Variants in PPP2R5C observed in about 807,000 individuals in gnomAD.
PPP2R5C encodes protein phosphatase 2 regulatory subunit B'gamma.
Under a neutral mutation model 68.9 loss-of-function variants are expected in PPP2R5C, and 7 were observed. The observed-to-expected ratio is 0.10, with a 90% CI of 0.06 to 0.19. The LOEUF (loss-of-function observed/expected upper bound fraction) is 0.19. PPP2R5C is among the 10% of genes least tolerant of loss of function. The pLI, the probability that PPP2R5C is intolerant of heterozygous loss-of-function variation, is 1.00. For missense variants in PPP2R5C, 348 were observed against 641.3 expected, an observed-to-expected ratio of 0.54 and a Z score of 4.94; for synonymous variants, 210 against 222.2, an observed-to-expected ratio of 0.95 and a Z score of 0.49.
intron 12 of PPP2R5C, among the ~76,000 whole-genome samples, chr14:101,912,862 G>A (rs2046470603): frequency 6.6e-6 from 1 of 152,170 alleles, no homozygotes; most frequent in Admixed American, 6.5e-5. Flanking sequence ...AATTAGATTG[G>A]AAATAGATTA....
rs947449056 is a variant in PPP2R5C at position 101,781,576 on chromosome 14, G to T, written c.94-4442G>T. On this transcript the variant is annotated intron_variant, in intron 2 of 14. Coordinates refer to the PPP2R5C transcript ENST00000328724. The surrounding 1 kb of genome is among the most constrained non-coding windows in gnomAD (Gnocchi z 6.4). ...CTCTGCCCCAACCACGTTTTCTCAA[G>T]AGTGTTGTCTGTCCCGGCCTTCCAA... 6.7e-6 allele frequency among the ~76,000 whole-genome samples: 1 copy of T among 149,512 alleles called. No homozygotes were observed. Among genetic ancestry groups the T allele is most frequent in the African/African-American group, 2.5e-5 (1 of 40,680 alleles).
At position 101,913,680 on chromosome 14, in the gene PPP2R5C, T is replaced by C. The variant is rs987601452; in HGVS notation, c.1326+1207T>C. Among the ~76,000 whole-genome samples, 8 of 152,226 alleles carry C rather than the reference T, an allele frequency of 5.3e-5. No homozygotes were observed. Among genetic ancestry groups the C allele is most frequent in the African/African-American group, 1.9e-4 (8 of 41,462 alleles). ...TGAAAGTGTGGTTAAAATACTGATA[T>C]TTGTTTTAAAACATGGTAACACTAT... On this transcript the variant is annotated intron_variant, in intron 12 of 13. Coordinates refer to ENST00000334743, the Ensembl canonical transcript of PPP2R5C. This position sits in a 1 kb window ranked among gnomAD's most constrained non-coding sequence, Gnocchi z 4.1.
intron 3 of PPP2R5C, among the ~76,000 whole-genome samples, chr14:101,790,502 G>A (rs1168662406): frequency 3.3e-5 from 5 of 152,162 alleles, no homozygotes; most frequent in African/African-American, 7.2e-5. Context: ...TCATATAAGC[G>A]AAGTCATACC....
In PPP2R5C at chr14:101,877,918, G is replaced by A. The variant is rs1595448453; in HGVS notation, c.295-4243G>A. ...CCTAGGTCGGTCATCAGTCAAGGAC[G>A]CTGTATCAGTCTGCTCAGGCTGCCG... is the stretch of plus-strand genomic sequence containing the variant. On this transcript the variant is annotated intron_variant, in intron 2 of 13. Coordinates refer to ENST00000334743, the Ensembl canonical transcript of PPP2R5C. The surrounding 1 kb of genome is among the most constrained non-coding windows in gnomAD (Gnocchi z 4.2). Among the ~76,000 whole-genome samples the A allele has an allele frequency of 6.6e-6, 1 of 152,208 alleles. No homozygotes were observed. The highest frequency in any genetic ancestry group is 1.9e-4 in the East Asian group (1 of 5,198).
upstream of PPP2R5C, among the ~76,000 whole-genome samples, chr14:101,761,076 G>A (rs1407888878): frequency 2.4e-5 from 3 of 123,298 alleles, no homozygotes; most frequent in East Asian, 9.0e-4. Context: ...GGAGAGGAGG[G>A]AAGGGGAGGG....
chr14:101,859,401 G>A (rs1326946298), intron 2 of PPP2R5C, among the ~76,000 whole-genome samples: 2 of 152,222 alleles, frequency 1.3e-5, no homozygotes, highest in East Asian at 1.9e-4. Flanking sequence ...AGACTGTCCT[G>A]TGAAGATGGG....
At chr14:101,867,743 ACTC>A (rs2043169931) in intron 2 of PPP2R5C, among the ~76,000 whole-genome samples, 1 of 152,140 alleles carries the variant, frequency 6.6e-6, no homozygotes, top group Non-Finnish European at 1.5e-5. Context: ...GCACCACTGC[ACTC>A]CAGCCTGAGC....
At chr14:101,812,315 C>T (rs1005321904) in intron 1 of PPP2R5C, among the ~76,000 whole-genome samples, 9 of 152,170 alleles carry the variant, frequency 5.9e-5, no homozygotes, top group African/African-American at 2.2e-4. Context: ...AAGAACACAC[C>T]GGCAGGGTGC....
At chr14:101,765,131 T>C in intron 2 of PPP2R5C, 2 of 702,696 alleles carry the variant, frequency 2.8e-6, no homozygotes, top group South Asian at 3.0e-5. Flanking sequence ...GATGCCCCAC[T>C]TGTCTTTTTG....
At chr14:101,853,234 G>GT (rs945468073) in intron 1 of PPP2R5C, among the ~76,000 whole-genome samples, 1 of 151,124 alleles carries the variant, frequency 6.6e-6, no homozygotes, top group African/African-American at 2.4e-5. Flanking sequence ...ATTGTTACAG[G>GT]TTTTTTTTAA....
At chr14:101,832,720 G>C (rs981649790) in intron 1 of PPP2R5C, among the ~76,000 whole-genome samples, 8 of 152,164 alleles carry the variant, frequency 5.3e-5, no homozygotes, top group African/African-American at 1.9e-4. Flanking sequence ...GACTGTGGAG[G>C]CAGAAGGGTC....
upstream of PPP2R5C, among the ~76,000 whole-genome samples, chr14:101,809,392 TAAAAA>T (rs549966280): frequency 8.6e-6 from 1 of 116,574 alleles, no homozygotes; most frequent in Non-Finnish European, 1.9e-5. Context: ...AACCATTTGT[TAAAAA>T]AAAAAAACAA....
chr14:101,892,824 C>T (rs1372932779), intron 6 of PPP2R5C, among the ~76,000 whole-genome samples, 176 bp from the exon 9 acceptor site: 1 of 152,066 alleles, frequency 6.6e-6, no homozygotes, highest in East Asian at 1.9e-4. Context: ...TTCAGATGAT[C>T]CTGCCGCCTC....
intron 2 of PPP2R5C, among the ~76,000 whole-genome samples, chr14:101,861,344 T>TA (rs2042724492): frequency 6.6e-6 from 1 of 152,232 alleles, no homozygotes; most frequent in Non-Finnish European, 1.5e-5. Flanking sequence ...GGATCACAGA[T>TA]ACCTGGTCTC....
At chr14:101,826,636 C>A (rs572678758) in intron 1 of PPP2R5C, among the ~76,000 whole-genome samples, 1 of 152,082 alleles carries the variant, frequency 6.6e-6, no homozygotes, top group South Asian at 2.1e-4. Flanking sequence ...TATATTGGGT[C>A]CATTTTATTC....
chr14:101,789,636 G>A (rs1304752420), intron 3 of PPP2R5C: 1 of 152,204 alleles, frequency 6.6e-6, no homozygotes, highest in Non-Finnish European at 1.5e-5. Context: ...GAGCTGGTCT[G>A]TAGTTTTGTT....
chr14:101,860,011 GT>G, intron 2 of PPP2R5C, among the ~76,000 whole-genome samples: 1 of 151,574 alleles, frequency 6.6e-6, no homozygotes, highest in African/African-American at 2.4e-5. Context: ...CTGCTAGATG[GT>G]TTTTTTTAAA....
chr14:101,831,707 A>G (rs763705527), intron 1 of PPP2R5C: 1 of 695,162 alleles, frequency 1.4e-6, no homozygotes, highest in South Asian at 1.5e-5. Flanking sequence ...GCAGATTGCA[A>G]ATGCACAAGA....
intron 2 of PPP2R5C, among the ~76,000 whole-genome samples, chr14:101,772,017 C>A (rs2037176421): frequency 6.6e-6 from 1 of 152,174 alleles, no homozygotes; most frequent in Non-Finnish European, 1.5e-5. Flanking sequence ...AGCAGCTACT[C>A]TGTTGACCAG....
Sources: gnomAD v4.1 joint callset for allele counts (sites outside exome capture counted in the v4.1 genomes callset) on GRCh38, gnomAD v4.1.1 for gene constraint, Gnocchi (gnomAD v3.1) non-coding constraint, MANE v1.5 for transcripts, NCBI Gene and HGNC (gene_info 2026-07-23, HGNC 2026-07-21) for gene names.